Variants in PDE4DIP observed in about 807,000 individuals in gnomAD.
The protein encoded by PDE4DIP is phosphodiesterase 4D interacting protein.
PDE4DIP carries 59 observed loss-of-function variants against 221.4 expected under a neutral mutation model. The observed-to-expected ratio is 0.27, with a 90% CI of 0.22 to 0.33. PDE4DIP has a LOEUF of 0.33. Among genes scored for constraint, PDE4DIP ranks in the 10% least tolerant of loss-of-function variants. PDE4DIP has a pLI of 1.00. For synonymous variants in PDE4DIP, 404 were observed against 815.9 expected (o/e 0.50, Z 8.60); for missense variants, 1,036 against 2,154.2 (o/e 0.48, Z 10.28).
chr1:149,029,733 C>A, intron 41 of PDE4DIP, 54 bp from the exon 45 acceptor site: 11 of 857,818 alleles, frequency 1.3e-5, no homozygotes, highest in South Asian at 8.6e-5. Flanking sequence ...CCACAAAGCA[C>A]AGGGTGCTTT....
intron 1 of PDE4DIP, among the ~76,000 whole-genome samples, chr1:148,897,951 C>A (rs12137623): frequency 0.11 from 14,676 of 135,156 alleles, 15 homozygotes; most frequent in Middle Eastern, 0.17. Context: ...ATAATACTTG[C>A]CTGTTGAGAA....
At chr1:149,028,560 G>A (rs782149607) in exon 41 of PDE4DIP, 8 of 1,610,468 alleles carry the variant, frequency 5.0e-6, no homozygotes, top group Non-Finnish European at 6.8e-6. Flanking sequence ...CTTTCCCCAG[G>A]TGCTAGGCAG....
intron 1 of PDE4DIP, among the ~76,000 whole-genome samples, chr1:148,894,108 TG>T (rs1346343809): frequency 3.0e-5 from 1 of 33,518 alleles, no homozygotes; most frequent in Non-Finnish European, 5.6e-5. Context: ...CGGGCAACTT[TG>T]GGAGAAGAGA....
intron 1 of PDE4DIP, among the ~76,000 whole-genome samples, chr1:148,823,724 T>C (rs1669914776): frequency 6.6e-6 from 1 of 150,622 alleles, no homozygotes; most frequent in Non-Finnish European, 1.5e-5. Flanking sequence ...TCAACCAAAA[T>C]GTACGGCTAT....
At chr1:148,998,269 G>A in exon 23 of PDE4DIP, 3 of 1,613,360 alleles carry the variant, frequency 1.9e-6, no homozygotes, top group Non-Finnish European at 2.5e-6. Context: ...CCACCTGAGG[G>A]CTGAGTTCCA....
intron 22 of PDE4DIP, among the ~76,000 whole-genome samples, chr1:148,997,810 GAGAA>G (rs1319020228): frequency 6.6e-6 from 1 of 152,306 alleles, no homozygotes; most frequent in Non-Finnish European, 1.5e-5. Context: ...TCCTCAGGAA[GAGAA>G]AGAATCACCG....
intron 1 of PDE4DIP, among the ~76,000 whole-genome samples, chr1:148,821,546 G>A (rs1273561089): frequency 1.3e-5 from 2 of 150,132 alleles, no homozygotes; most frequent in African/African-American, 5.0e-5. Context: ...TAAAGCAGGA[G>A]GTGAAAGAAC....
intron 21 of PDE4DIP, chr1:148,983,740 G>A: frequency 6.6e-6 from 1 of 152,414 alleles, no homozygotes; most frequent in East Asian, 1.9e-4. Context: ...ATTTTTCAAT[G>A]ACAGTAATTT....
chr1:148,898,090 T>C (rs2039782624), intron 1 of PDE4DIP, among the ~76,000 whole-genome samples: 2 of 99,912 alleles, frequency 2.0e-5, no homozygotes, highest in African/African-American at 7.8e-5. Context: ...GTCTACATAA[T>C]TTATACTTCT....
At chr1:148,944,875 A>AAAAAC (rs1209247641) in intron 5 of PDE4DIP, among the ~76,000 whole-genome samples, 2 of 152,002 alleles carry the variant, frequency 1.3e-5, no homozygotes, top group African/African-American at 4.8e-5. Context: ...CGTCTCGGAA[A>AAAAAC]AAAACAAAAC....
chr1:148,877,038 A>G (rs1553419673), intron 3 of PDE4DIP, among the ~76,000 whole-genome samples: 1 of 146,016 alleles, frequency 6.8e-6, no homozygotes, highest in Admixed American at 6.6e-5. Flanking sequence ...AAGAAAATGT[A>G]TGTTCAAGGA....
At chr1:148,975,386 A>G (rs2059970534) in intron 17 of PDE4DIP, among the ~76,000 whole-genome samples, 1 of 147,752 alleles carries the variant, frequency 6.8e-6, no homozygotes, top group Non-Finnish European at 1.5e-5. Context: ...ACTCTACACA[A>G]AGTAAGTGGT....
At chr1:148,978,199 G>A (rs2060525130) in intron 18 of PDE4DIP, 79 bp from the exon 22 acceptor site, 1 of 1,351,628 alleles carries the variant, frequency 7.4e-7, no homozygotes, top group Non-Finnish European at 1.0e-6. Context: ...AATATTTCAA[G>A]ACATTTGTTC....
intron 1 of PDE4DIP, among the ~76,000 whole-genome samples, chr1:148,821,686 C>G (rs1669294019): frequency 6.9e-6 from 1 of 144,510 alleles, no homozygotes; most frequent in Non-Finnish European, 1.5e-5. Context: ...ACCTCATAGG[C>G]CGTGGTAAGA....
At chr1:148,949,191 T>TA (rs1394862138) in intron 5 of PDE4DIP, among the ~76,000 whole-genome samples, 1 of 151,956 alleles carries the variant, frequency 6.6e-6, no homozygotes, top group African/African-American at 2.4e-5. Context: ...ACAAAAGCAG[T>TA]AAGTACTTAA....
At chr1:148,964,111 C>CCTT (rs2057664910) in intron 9 of PDE4DIP, among the ~76,000 whole-genome samples, 1 of 117,278 alleles carries the variant, frequency 8.5e-6, no homozygotes, top group Non-Finnish European at 1.8e-5. Context: ...TTCTTTCTTT[C>CCTT]ATTTTTTTTT....
intron 2 of PDE4DIP, chr1:148,930,236 A>T (rs1243210244): frequency 6.6e-6 from 1 of 152,154 alleles, no homozygotes; most frequent in South Asian, 2.1e-4. Flanking sequence ...GCATTTCACC[A>T]GGCATGGTGG....
At chr1:148,976,347 C>T (rs1203104211) in intron 17 of PDE4DIP, among the ~76,000 whole-genome samples, 1 of 152,196 alleles carries the variant, frequency 6.6e-6, no homozygotes, top group Non-Finnish European at 1.5e-5. Context: ...GTCAGCTTCC[C>T]TGAGTTCACG....
At position 148,930,573 on chromosome 1, in the gene PDE4DIP, A is replaced by T. The variant is rs587603213; in HGVS notation, c.219-1227A>T. 5.3e-5 allele frequency: 8 copies of T among 152,144 alleles called. No individual in the cohort carries two copies. In the East Asian group the frequency reaches 1.5e-3, roughly 29 times the overall value. The allele number at this position is 152,144 out of a possible 1,614,324, so 9.4% of individuals were successfully genotyped here. A position where few individuals can be genotyped will look rare whatever the true frequency, so the allele number is the denominator to read the frequency against. ...CCAATAACATTCAAGCTGAGAGCCA[A>T]ATCAAGAATGCAATCCCATTTACAA... On this transcript the variant is annotated intron_variant, in intron 2 of 43. Coordinates refer to ENST00000369354, the Ensembl canonical transcript of PDE4DIP.
Sources: gnomAD v4.1 joint callset for allele counts (sites outside exome capture counted in the v4.1 genomes callset) on GRCh38, gnomAD v4.1.1 for gene constraint, MANE v1.5 for transcripts, NCBI Gene and HGNC (gene_info 2026-07-23, HGNC 2026-07-21) for gene names.